CC2D1B: variants seen among roughly 807,000 people sequenced by gnomAD.
The protein encoded by CC2D1B is coiled-coil and C2 domain containing 1B.
A neutral mutation model predicts 110.8 loss-of-function variants in CC2D1B; 92 were observed. That is an observed-to-expected ratio of 0.83 (90% CI 0.70 to 0.99). The LOEUF (loss-of-function observed/expected upper bound fraction) is 0.99, where lower values mean the gene tolerates loss of function less well. CC2D1B is among the 50% of genes least tolerant of loss of function. CC2D1B has a pLI of 0.00. For missense variants in CC2D1B, 1,136 were observed against 1,089.0 expected (o/e 1.04, Z -0.61); for synonymous variants, 406 against 429.2 (o/e 0.95, Z 0.67).
chr1:52,355,057 C>T, intron 21 of CC2D1B, 118 bp from the exon 22 acceptor site: 1 of 813,898 alleles, frequency 1.2e-6, no homozygotes, highest in Non-Finnish European at 2.1e-6. Flanking sequence ...TTTTGGGGTA[C>T]TGCCTCCAAA....
chr1:52,356,128 G>C, intron 18 of CC2D1B, 58 bp downstream of exon 18: 1 of 1,445,086 alleles, frequency 6.9e-7, no homozygotes, highest in Non-Finnish European at 9.7e-7. Flanking sequence ...CTCTGGCCTG[G>C]GCTCCCAGCC....
In CC2D1B at chr1:52,353,169, A is replaced by AAAGTC. The variant is rs1569816772; in HGVS notation, c.*51_*55dup. 7.6e-7 allele frequency: 1 copy of AAAGTC among 1,317,426 alleles called. No homozygotes were observed. Among genetic ancestry groups the AAAGTC allele is most frequent in the Non-Finnish European group, 1.0e-6 (1 of 997,746 alleles). The allele number at this position is 1,317,426 out of a possible 1,614,324, so 81.6% of individuals were successfully genotyped here. On this transcript the variant is annotated 3_prime_UTR_variant, in exon 25 of 25. Coordinates refer to ENST00000284376, the MANE Select transcript of CC2D1B (RefSeq NM_001330585.2). ...GGCTTCTGAAGCCAGCAAAGCTGGG[A>AAAGTC]AAGTCATCTCCTGCACAGTCGCGGC... is the stretch of plus-strand genomic sequence containing the variant.
chr1:52,360,603 A>G, intron 5 of CC2D1B, 54 bp from the exon 6 acceptor site: 2 of 1,581,038 alleles, frequency 1.3e-6, no homozygotes, highest in Non-Finnish European at 1.7e-6. Context: ...TAGGCCTACC[A>G]TTCTCCCTCT....
chr1:52,362,558 C>T (rs763459181), intron 3 of CC2D1B, 44 bp downstream of exon 3: 13 of 1,611,996 alleles, frequency 8.1e-6, no homozygotes, highest in Non-Finnish European at 1.1e-5. Context: ...CAGCCTGTGC[C>T]CATCTTGTCC....
intron 11 of CC2D1B, 52 bp from the exon 12 acceptor site, chr1:52,358,810 C>G: frequency 1.3e-6 from 2 of 1,551,910 alleles, no homozygotes; most frequent in Non-Finnish European, 1.7e-6. Flanking sequence ...CCACAGGCCC[C>G]CTGCCCAACA....
intron 5 of CC2D1B, 177 bp downstream of exon 5, chr1:52,360,797 C>G (rs1646763396): frequency 1.1e-6 from 1 of 936,122 alleles, no homozygotes; most frequent in African/African-American, 1.7e-5. Context: ...ACAGAGAGGC[C>G]TTTGAGGCTG....
At chr1:52,358,802 A>G (rs781676164) in intron 11 of CC2D1B, 44 bp from the exon 12 acceptor site, 1 of 1,566,124 alleles carries the variant, frequency 6.4e-7, no homozygotes, top group South Asian at 1.2e-5. Flanking sequence ...GCAGCAGCCC[A>G]CAGGCCCCCT....
intron 2 of CC2D1B, 36 bp from the exon 3 acceptor site, chr1:52,362,782 CA>C: frequency 1.2e-6 from 2 of 1,611,208 alleles, no homozygotes; most frequent in Non-Finnish European, 1.7e-6. Context: ...AACCACACAA[CA>C]AGCAGGGTAG....
At chr1:52,357,461 C>T (rs1251015367) in intron 15 of CC2D1B, 65 bp downstream of exon 15, 2 of 1,492,616 alleles carry the variant, frequency 1.3e-6, no homozygotes, top group Non-Finnish European at 1.8e-6. Flanking sequence ...TGTTCACAGC[C>T]TGTCAAGCCT....
Position 52,358,418 on chromosome 1 carries a change from C to G in CC2D1B, c.1374G>C (p.Glu458Asp). 1 of 1,614,122 alleles carries G rather than the reference C, an allele frequency of 6.2e-7. No homozygotes were observed. Among genetic ancestry groups the G allele is most frequent in the South Asian group, 1.1e-5 (1 of 91,090 alleles). Residue 458 changes from glutamate to aspartate, a missense_variant, in exon 13 of 25, where the codon GAG (glutamate) becomes GAC (aspartate). Transcript: ENST00000284376. ...CCAATGTCGCTGCCACTGCGTCCTC[C>G]TCAACACCCATAGTGGACTCCAGGC... ...IPGLESTMGV[E>D]EDAVAATLAA... is the part of the protein sequence containing the mutation.
chr1:52,357,274 A>G (rs1646674713), intron 15 of CC2D1B, 148 bp from the exon 16 acceptor site: 3 of 1,033,052 alleles, frequency 2.9e-6, no homozygotes, highest in Non-Finnish European at 4.3e-6. Flanking sequence ...CTATCCCAAA[A>G]TAACACTCTT....
At chr1:52,354,329 C>G in intron 23 of CC2D1B, 1 of 632,960 alleles carries the variant, frequency 1.6e-6, no homozygotes, top group Non-Finnish European at 2.9e-6. Flanking sequence ...ACCTGAGTTT[C>G]CTCATTTGTC....
At chr1:52,355,724 A>G (rs1326195421) in intron 19 of CC2D1B, 47 bp downstream of exon 19, 2 of 1,613,740 alleles carry the variant, frequency 1.2e-6, no homozygotes, top group South Asian at 2.2e-5. Context: ...TAGCACTTGG[A>G]GTGTCCGGGC....
chr1:52,358,956 G>A, intron 11 of CC2D1B, 71 bp downstream of exon 11: 6 of 1,578,524 alleles, frequency 3.8e-6, no homozygotes, highest in Non-Finnish European at 5.2e-6. Flanking sequence ...CTAGCCGGAG[G>A]ACCAGGGAGA....
chr1:52,360,663 A>G, intron 5 of CC2D1B, 114 bp from the exon 6 acceptor site: 4 of 1,442,372 alleles, frequency 2.8e-6, no homozygotes, highest in South Asian at 1.4e-5. Flanking sequence ...GAGAAAGAAG[A>G]GCCTAAAAGC....
At chr1:52,358,808 C>A (rs367726141) in intron 11 of CC2D1B, 50 bp from the exon 12 acceptor site, 7 of 1,554,104 alleles carry the variant, frequency 4.5e-6, no homozygotes, top group African/African-American at 1.4e-5. Context: ...GCCCACAGGC[C>A]CCCTGCCCAA....
chr1:52,361,304 T>C (rs1461660844), intron 4 of CC2D1B, among the ~76,000 whole-genome samples, 172 bp from the exon 5 acceptor site: 3 of 152,042 alleles, frequency 2.0e-5, no homozygotes, highest in Non-Finnish European at 4.4e-5. Context: ...GCCTTGAAAA[T>C]AGTAATTACT....
chr1:52,355,101 G>A, intron 21 of CC2D1B, 162 bp from the exon 22 acceptor site: 1 of 648,318 alleles, frequency 1.5e-6, no homozygotes, highest in Non-Finnish European at 2.7e-6. Context: ...GGCCTTGGAA[G>A]TGAGTTTTTG....
At chr1:52,357,169 AC>A (rs1447431477) in intron 15 of CC2D1B, 43 bp from the exon 16 acceptor site, 2 of 1,608,822 alleles carry the variant, frequency 1.2e-6, no homozygotes, top group Non-Finnish European at 1.7e-6. Context: ...GAGTCAGATT[AC>A]TCCTCTACCA....
Sources: allele counts gnomAD v4.1 joint callset (sites outside exome capture counted in the v4.1 genomes callset), GRCh38; gene constraint gnomAD v4.1.1; transcripts MANE v1.5; gene names NCBI Gene and HGNC (gene_info 2026-07-23, HGNC 2026-07-21).